EFEMP1: variants seen among roughly 807,000 people sequenced by gnomAD.
EFEMP1 encodes the protein EGF-like fibulin extracellular matrix protein 1.
EFEMP1 carries 18 observed loss-of-function variants against 65.7 expected under a neutral mutation model. That is an observed-to-expected ratio of 0.27 (90% CI 0.19 to 0.41). EFEMP1 has a LOEUF of 0.41. Ranked by LOEUF, EFEMP1 falls within the 10% of genes least tolerant of loss-of-function variation. The pLI, the probability that EFEMP1 is intolerant of heterozygous loss-of-function variation, is 1.00. For missense variants in EFEMP1, 469 were observed against 624.8 expected, an observed-to-expected ratio of 0.75 and a Z score of 2.66; for synonymous variants, 237 against 219.7, an observed-to-expected ratio of 1.08 and a Z score of -0.70.
At chr2:55,891,357 A>G (rs144028277) in intron 5 of EFEMP1, among the ~76,000 whole-genome samples, 53 of 152,222 alleles carry the variant, frequency 3.5e-4, no homozygotes, top group Admixed American at 1.2e-3. Flanking sequence ...CAAATATGAC[A>G]GAGTTTTAAT....
rs1215495440 is a variant in EFEMP1 at position 55,876,677 on chromosome 2, T to A, written c.826A>T (p.Ile276Phe). 1 of 1,612,438 alleles carries A rather than the reference T, an allele frequency of 6.2e-7. No homozygotes were observed. Among genetic ancestry groups the A allele is most frequent in the African/African-American group, 1.3e-5 (1 of 74,824 alleles). The change falls in exon 8 of 12, where the codon ATC becomes TTC. Residue 276 changes from isoleucine to phenylalanine, a missense_variant. Physicochemically the swap from Ile to Phe is conservative, Grantham distance 21 (BLOSUM62 0). Around this residue, in one of 3 missense-constraint regions of EFEMP1, gnomAD observed 399 missense variants for 528.2 expected, o/e 0.76. Transcript: ENST00000355426. ...QQCYNILGSF[I>F]CQCNQGYELS... ...TCATATCCTTGATTGCACTGACAGA[T>A]GAATGAACCAAGAATGTTGTAGCAC...
At chr2:55,910,418 C>T (rs1670439734) in intron 5 of EFEMP1, among the ~76,000 whole-genome samples, 1 of 152,154 alleles carries the variant, frequency 6.6e-6, no homozygotes, top group Non-Finnish European at 1.5e-5. Context: ...TTTGTACATT[C>T]ATGTAAAATC....
intron 6 of EFEMP1, among the ~76,000 whole-genome samples, chr2:55,880,691 C>T (rs1368565758): frequency 2.6e-5 from 4 of 152,212 alleles, no homozygotes; most frequent in Admixed American, 2.6e-4. Context: ...TTTCACTGAT[C>T]TGTGGTAAGA....
At chr2:55,918,178 A>G (rs375472885) in intron 4 of EFEMP1, 41 bp downstream of exon 4, 13 of 1,613,686 alleles carry the variant, frequency 8.1e-6, no homozygotes, top group Non-Finnish European at 1.1e-5. Context: ...AGATGGAGAC[A>G]GAAGGCAATG....
intron 5 of EFEMP1, among the ~76,000 whole-genome samples, chr2:55,902,739 A>G (rs2104427697): frequency 6.6e-6 from 1 of 152,338 alleles, no homozygotes; most frequent in East Asian, 1.9e-4. Flanking sequence ...CTTCTGAGTC[A>G]TTAATTCTAT....
Position 55,923,242 on chromosome 2 carries a change from G to A in EFEMP1, c.-48-303C>T, listed in dbSNP as rs933939858. Among the ~76,000 whole-genome samples the A allele has an allele frequency of 1.3e-5, 2 of 152,170 alleles. No homozygotes were observed. The highest frequency in any genetic ancestry group is 4.8e-5 in the African/African-American group (2 of 41,446). On this transcript the variant is annotated intron_variant, in intron 1 of 11. Transcript: ENST00000355426. The surrounding 1 kb of genome is among the most constrained non-coding windows in gnomAD (Gnocchi z 5.3). ...CTTCGGTTTCAGGCTGCCTAGGACC[G>A]GAACCAGGGATCGCACCGCAGCCCA...
At chr2:55,906,742 C>A (rs1426577040) in intron 5 of EFEMP1, among the ~76,000 whole-genome samples, 1 of 152,076 alleles carries the variant, frequency 6.6e-6, no homozygotes, top group Non-Finnish European at 1.5e-5. Flanking sequence ...TATAATTTAC[C>A]AAAGTCTGAA....
chr2:55,872,756 G>T (rs1668862599), intron 9 of EFEMP1, among the ~76,000 whole-genome samples: 1 of 152,032 alleles, frequency 6.6e-6, no homozygotes, highest in Admixed American at 6.6e-5. Context: ...GGCTGGCTAT[G>T]GCTGAAGAAA....
chr2:55,891,064 T>G (rs1669611769), intron 5 of EFEMP1, among the ~76,000 whole-genome samples: 1 of 152,110 alleles, frequency 6.6e-6, no homozygotes, highest in Non-Finnish European at 1.5e-5. Context: ...GTGCTAACCC[T>G]AGTACTCAAT....
In EFEMP1 at chr2:55,887,101, GCC is replaced by G. The variant is rs566969314; in HGVS notation, c.518-5369_518-5368del. ...CAAAGCTTCTTATTTAATCCTAATA[GCC>G]CTGTGGAAGAGGTAGTTACTTCATC... On this transcript the variant is annotated intron_variant, in intron 5 of 11. Transcript: ENST00000355426. Among the ~76,000 whole-genome samples, 5 of 152,152 alleles carry G rather than the reference GCC, an allele frequency of 3.3e-5. No individual in the cohort carries two copies. In the South Asian group the frequency reaches 1.0e-3, roughly 32 times the overall value.
chr2:55,877,441 T>C lies in EFEMP1; in HGVS notation c.760+305A>G, dbSNP rs1669079890. ...TATACTTGAACTTGTAGTAACCCCT[T>C]TGGCACTTTCAGCATTATATCACAC... is the stretch of plus-strand genomic sequence containing the variant. On this transcript the variant is annotated intron_variant, in intron 7 of 11. Coordinates refer to ENST00000355426, the MANE Select transcript of EFEMP1 (RefSeq NM_001039348.3). This position sits in a 1 kb window ranked among gnomAD's most constrained non-coding sequence, Gnocchi z 4.5. Among the ~76,000 whole-genome samples the C allele has an allele frequency of 1.3e-5, 2 of 152,182 alleles. No homozygotes were observed. Among genetic ancestry groups the C allele is most frequent in the Admixed American group, 1.3e-4 (2 of 15,276 alleles).
At chr2:55,882,057 G>A (rs1000466669) in intron 5 of EFEMP1, among the ~76,000 whole-genome samples, 3 of 151,966 alleles carry the variant, frequency 2.0e-5, no homozygotes, top group East Asian at 1.9e-4. Context: ...CCACTGTCTC[G>A]GTAGGAATGA....
intron 5 of EFEMP1, among the ~76,000 whole-genome samples, chr2:55,888,492 C>A (rs191256543): frequency 6.6e-6 from 1 of 152,128 alleles, no homozygotes; most frequent in Non-Finnish European, 1.5e-5. Context: ...CGCCCACCAC[C>A]ATGCCTGGCT....
chr2:55,906,903 G>A (rs1670301772), intron 5 of EFEMP1, among the ~76,000 whole-genome samples: 1 of 152,206 alleles, frequency 6.6e-6, no homozygotes, highest in African/African-American at 2.4e-5. Flanking sequence ...GCAAATCTCT[G>A]AGAAAGATTA....
intron 8 of EFEMP1, 104 bp downstream of exon 8, chr2:55,876,519 C>G: frequency 6.6e-7 from 1 of 1,508,342 alleles, no homozygotes; most frequent in Non-Finnish European, 9.0e-7. Flanking sequence ...GAACAGAATT[C>G]CCATGGGTAA....
At chr2:55,904,264 T>C (rs1227651652) in intron 5 of EFEMP1, among the ~76,000 whole-genome samples, 2 of 152,192 alleles carry the variant, frequency 1.3e-5, no homozygotes, top group Non-Finnish European at 2.9e-5. Flanking sequence ...GAGTTTTTCA[T>C]GATAATAGCA....
At chr2:55,868,774 A>G (rs1668682180) in intron 11 of EFEMP1, among the ~76,000 whole-genome samples, 1 of 152,154 alleles carries the variant, frequency 6.6e-6, no homozygotes, top group South Asian at 2.1e-4. Flanking sequence ...TGTGCATTAC[A>G]TGTCCTTTTA....
intron 6 of EFEMP1, among the ~76,000 whole-genome samples, chr2:55,880,311 C>T (rs1166012372): frequency 6.6e-6 from 1 of 152,118 alleles, no homozygotes; most frequent in Non-Finnish European, 1.5e-5. Context: ...AGGGCTGTGA[C>T]CGTATGTTCC....
At position 55,866,847 on chromosome 2, in the gene EFEMP1, C is replaced by G. The variant is rs1049782513; in HGVS notation, c.*226G>C. The G allele has an allele frequency of 1.1e-5, 6 of 524,382 alleles. No homozygotes were observed. Among genetic ancestry groups the G allele is most frequent in the Admixed American group, 9.6e-5 (3 of 31,230 alleles). The allele number at this position is 524,382 out of a possible 1,614,324, so 32.5% of individuals were successfully genotyped here. ...GTATACTTAGCTCTCTTGAAGAAGA[C>G]CAGTTTAGTGGATTAATGTCTAATT... On this transcript the variant is annotated 3_prime_UTR_variant, in exon 12 of 12. Coordinates refer to ENST00000355426, the MANE Select transcript of EFEMP1 (RefSeq NM_001039348.3).
Sources: gnomAD v4.1 joint callset for allele counts (sites outside exome capture counted in the v4.1 genomes callset) on GRCh38, gnomAD v4.1.1 for gene constraint, gnomAD v4.1.1 regional missense constraint, Gnocchi (gnomAD v3.1) non-coding constraint, MANE v1.5 for transcripts, NCBI Gene and HGNC (gene_info 2026-07-23, HGNC 2026-07-21) for gene names.